FBRSL1: variants seen among roughly 807,000 people sequenced by gnomAD.
FBRSL1 encodes fibrosin like 1, also known as fibrosin-1-like protein.
Under a neutral mutation model 89.6 loss-of-function variants are expected in FBRSL1, and 51 were observed. The observed-to-expected ratio is 0.57, with a 90% CI of 0.45 to 0.72. The LOEUF (loss-of-function observed/expected upper bound fraction) is 0.72, where lower values mean the gene tolerates loss of function less well. Among genes scored for constraint, FBRSL1 ranks in the 30% least tolerant of loss-of-function variants. The pLI is 0.00. For synonymous variants in FBRSL1, 779 were observed against 681.1 expected (o/e 1.14, Z -2.24); for missense variants, 1,618 against 1,451.8 (o/e 1.11, Z -1.86).
chr12:132,581,423 TGGCTGCCCC>T lies in FBRSL1; in HGVS notation c.1835-15_1835-7del. On this transcript the variant is annotated splice_polypyrimidine_tract_variant and splice_region_variant and intron_variant, in intron 15 of 18. Coordinates refer to ENST00000680143, the MANE Select transcript of FBRSL1 (RefSeq NM_001367871.1). ...GCTCTCTCCTGGCTTCTGTCAAACC[TGGCTGCCCC>T]CCCCAGGTGCCGCCCATCCTGCCTC... is the stretch of plus-strand genomic sequence containing the variant. 6.4e-7 allele frequency: 1 copy of T among 1,550,854 alleles called. No homozygotes were observed. Among genetic ancestry groups the T allele is most frequent in the South Asian group, 1.2e-5 (1 of 84,058 alleles).
At chr12:132,501,208 C>T (rs570905522) in intron 1 of FBRSL1, among the ~76,000 whole-genome samples, 2 of 152,338 alleles carry the variant, frequency 1.3e-5, no homozygotes, top group Admixed American at 1.3e-4. Context: ...ACTCTGGGAG[C>T]CCAGCCCCTA....
intron 4 of FBRSL1, among the ~76,000 whole-genome samples, chr12:132,535,588 C>T (rs528363861): frequency 1.3e-5 from 2 of 152,370 alleles, no homozygotes; most frequent in African/African-American, 2.4e-5. Flanking sequence ...GGAGCAGATG[C>T]AGCCAGTATC....
chr12:132,575,384 C>CA (rs1245956614), intron 14 of FBRSL1, among the ~76,000 whole-genome samples: 2 of 152,244 alleles, frequency 1.3e-5, no homozygotes, highest in Admixed American at 6.5e-5. Flanking sequence ...ACCGTCACCA[C>CA]ACCCGGCTAA....
At position 132,520,809 on chromosome 12, in the gene FBRSL1, C is replaced by T. The variant is rs576170593; in HGVS notation, c.490-4925C>T. Among the ~76,000 whole-genome samples the T allele has an allele frequency of 2.0e-5, 3 of 152,328 alleles. No homozygotes were observed. In the East Asian group the frequency reaches 5.8e-4, roughly 29 times the overall value. On this transcript the variant is annotated intron_variant, in intron 2 of 18. Coordinates refer to ENST00000680143, the MANE Select transcript of FBRSL1 (RefSeq NM_001367871.1). ...GACACTGTGAGGGCTCTGGGACTGT[C>T]CCTTCGGGAGCGAAGGCAGCGGAGA...
chr12:132,569,041 G>A (rs2039826967), intron 6 of FBRSL1, among the ~76,000 whole-genome samples: 1 of 152,130 alleles, frequency 6.6e-6, no homozygotes. Flanking sequence ...GAGGCATGCG[G>A]CACGTGGAAC....
Position 132,580,786 on chromosome 12 carries a change from T to C in FBRSL1, c.1835-653T>C, listed in dbSNP as rs78225053. 369 of 985,394 alleles carry C rather than the reference T, an allele frequency of 3.7e-4. No individual in the cohort carries two copies. In the African/African-American group the frequency reaches 5.9e-3, roughly 16 times the overall value. The allele number at this position is 985,394 out of a possible 1,614,324, so 61.0% of individuals were successfully genotyped here. A position where few individuals can be genotyped will look rare whatever the true frequency, so the allele number is the denominator to read the frequency against. ...TAACCTAAAGATGACGCCCTGCTGG[T>C]CTTTACCAGAAACCTGCTCTCTGGA... On this transcript the variant is annotated intron_variant, in intron 15 of 18. Transcript: ENST00000680143.
intron 15 of FBRSL1, among the ~76,000 whole-genome samples, chr12:132,580,340 G>A (rs148999077): frequency 0.012 from 1,772 of 152,174 alleles, 38 homozygotes; most frequent in African/African-American, 0.04. Flanking sequence ...CTCCTGCCTC[G>A]GCCTCCCAAA....
intron 2 of FBRSL1, among the ~76,000 whole-genome samples, chr12:132,512,950 C>G (rs903023904): frequency 2.6e-5 from 4 of 152,194 alleles, no homozygotes; most frequent in Admixed American, 1.3e-4. Flanking sequence ...GGCTTGCGGT[C>G]GGGGTGCCGC....
chr12:132,524,969 G>A (rs1250989004), intron 2 of FBRSL1, among the ~76,000 whole-genome samples: 1 of 152,178 alleles, frequency 6.6e-6, no homozygotes, highest in African/African-American at 2.4e-5. Flanking sequence ...GGGCCACCGT[G>A]TGAGCAAATG....
intron 9 of FBRSL1, chr12:132,571,971 G>C (rs549659296): frequency 4.4e-6 from 2 of 452,044 alleles, no homozygotes; most frequent in African/African-American, 4.0e-5. Context: ...TCAGTAACCC[G>C]GTGTGTCCCC....
intron 5 of FBRSL1, among the ~76,000 whole-genome samples, chr12:132,550,335 C>CAGCT (rs2038051495): frequency 1.3e-5 from 2 of 151,410 alleles, no homozygotes; most frequent in African/African-American, 4.9e-5. Flanking sequence ...ACGGAGAAGG[C>CAGCT]AGCTCCGCCA....
chr12:132,581,506 C>A lies in FBRSL1; in HGVS notation c.1902C>A (p.Gly634=). The change falls in exon 16 of 19, where the codon GGC becomes GGA. Residue 634 remains glycine (G), a synonymous_variant. Coordinates refer to ENST00000680143, the MANE Select transcript of FBRSL1 (RefSeq NM_001367871.1). The stretch of plus-strand genomic sequence containing the variant: ...ATCCTGGCAGCTTCCTGCCCACTGG[C>A]CCCCTGACAGGTGGGTGTCTCTGAA... ...SAHPGSFLPT[G]PLTDPFSRPS... 1 of 1,551,002 alleles carries A rather than the reference C, an allele frequency of 6.4e-7. No homozygotes were observed. The highest frequency in any genetic ancestry group is 8.7e-7 in the Non-Finnish European group (1 of 1,146,872).
At chr12:132,571,464 A>G in intron 9 of FBRSL1, 7 of 1,549,716 alleles carry the variant, frequency 4.5e-6, no homozygotes, top group Non-Finnish European at 6.1e-6. Flanking sequence ...ACCAGCACCA[A>G]CACACATTCG....
At chr12:132,542,002 ACAGGTGGCG>A (rs533490823) in intron 4 of FBRSL1, among the ~76,000 whole-genome samples, 113 of 152,366 alleles carry the variant, frequency 7.4e-4, no homozygotes, top group African/African-American at 2.7e-3. Flanking sequence ...AGGGCCCAGC[ACAGGTGGCG>A]CAGGTGGTCC....
intron 1 of FBRSL1, among the ~76,000 whole-genome samples, chr12:132,500,599 C>G (rs1456559987): frequency 6.6e-6 from 1 of 152,174 alleles, no homozygotes; most frequent in Non-Finnish European, 1.5e-5. Flanking sequence ...TCCATAGTTT[C>G]CTGAATCCGA....
intron 1 of FBRSL1, among the ~76,000 whole-genome samples, chr12:132,507,812 G>C (rs1315746528): frequency 6.6e-6 from 1 of 152,134 alleles, no homozygotes; most frequent in Non-Finnish European, 1.5e-5. Flanking sequence ...GCTCTTGAAA[G>C]GTAGCCCTGG....
intron 16 of FBRSL1, 41 bp downstream of exon 16, chr12:132,581,557 C>T (rs1208700456): frequency 6.5e-7 from 1 of 1,542,918 alleles, no homozygotes; most frequent in Non-Finnish European, 8.8e-7. Flanking sequence ...CTGGCTGGTT[C>T]CTCAGCAGCC....
chr12:132,525,682 C>A (rs556238887), intron 2 of FBRSL1, 52 bp from the exon 3 acceptor site: 2 of 1,463,342 alleles, frequency 1.4e-6, no homozygotes, highest in East Asian at 2.5e-5. Context: ...GGCCCCGATG[C>A]GGACGCGGTG....
At chr12:132,566,274 G>A (rs2039606271) in intron 5 of FBRSL1, 1 of 152,054 alleles carries the variant, frequency 6.6e-6, no homozygotes, top group Admixed American at 6.5e-5. Flanking sequence ...CGCTCGTGAG[G>A]CTCCACACTC....
Sources: gnomAD v4.1 joint callset for allele counts (sites outside exome capture counted in the v4.1 genomes callset) on GRCh38, gnomAD v4.1.1 for gene constraint, MANE v1.5 for transcripts, NCBI Gene and HGNC (gene_info 2026-07-23, HGNC 2026-07-21) for gene names.